KCTD18: variants seen among roughly 807,000 people sequenced by gnomAD.
KCTD18 encodes the protein potassium channel tetramerization domain containing 18, also known as BTB/POZ domain-containing protein KCTD18.
A neutral mutation model predicts 30.4 loss-of-function variants in KCTD18; 22 were observed. The ratio of observed to expected loss-of-function variants is 0.72; its 90% CI spans 0.52 to 1.03. The LOEUF (loss-of-function observed/expected upper bound fraction) is 1.03. Ranked by LOEUF, KCTD18 falls within the 50% of genes least tolerant of loss-of-function variation. The probability of loss-of-function intolerance (pLI) is 0.00; values close to 1 mark genes in which losing one functional copy is unlikely to be tolerated. For missense variants in KCTD18, 529 were observed against 547.6 expected, an observed-to-expected ratio of 0.97 and a Z score of 0.34; for synonymous variants, 186 against 209.0, an observed-to-expected ratio of 0.89 and a Z score of 0.95.
chr2:200,502,074 G>T (rs971984685), intron 3 of KCTD18, among the ~76,000 whole-genome samples: 1 of 151,848 alleles, frequency 6.6e-6, no homozygotes, highest in Non-Finnish European at 1.5e-5. Flanking sequence ...ACTTATAGGT[G>T]GGAATTGAAC....
chr2:200,497,322 T>C lies in KCTD18; in HGVS notation c.661+431A>G, dbSNP rs148377791. 1.3e-4 allele frequency: 22 copies of C among 164,386 alleles called. No homozygotes were observed. In the East Asian group the frequency reaches 3.9e-3, roughly 29 times the overall value. 10.2% of individuals were successfully genotyped at this position (164,386 alleles called of 1,614,324 possible). On this transcript the variant is annotated intron_variant, in intron 5 of 6. Coordinates refer to ENST00000359878, the MANE Select transcript of KCTD18 (RefSeq NM_152387.4). ...ATTATTATTACCAACTCTCACTCTG[T>C]AGTTTGAGAAAAATGACCAGTTTTC... is the stretch of plus-strand genomic sequence containing the variant.
Position 200,509,781 on chromosome 2 carries a change from G to T in KCTD18, c.-229C>A, listed in dbSNP as rs2030420232. Reference sequence around the variant, plus strand: ...GGGCTCACACTCCTCTTCCGAAGCGGGAAGAGCCGGGAGGAGCTGGGGAGC... The same window carrying T: ...GGGCTCACACTCCTCTTCCGAAGCGTGAAGAGCCGGGAGGAGCTGGGGAGC... On this transcript the variant is annotated 5_prime_UTR_variant, in exon 1 of 7. Transcript: ENST00000359878. 1 of 152,186 alleles carries T rather than the reference G, an allele frequency of 6.6e-6. No individual in the cohort carries two copies. The highest frequency in any genetic ancestry group is 6.5e-5 in the Admixed American group (1 of 15,278). The allele number at this position is 152,186 out of a possible 1,614,324, so 9.4% of individuals were successfully genotyped here. A position where few individuals can be genotyped will look rare whatever the true frequency, so the allele number is the denominator to read the frequency against.
chr2:200,497,684 TTTGAGC>T, intron 5 of KCTD18, 63 bp downstream of exon 5: 2 of 1,018,304 alleles, frequency 2.0e-6, no homozygotes, highest in Non-Finnish European at 3.1e-6. Flanking sequence ...AAATGCAGTA[TTTGAGC>T]TTACTTTGTC....
At chr2:200,500,977 G>A (rs1254030779) in intron 3 of KCTD18, among the ~76,000 whole-genome samples, 13 of 151,486 alleles carry the variant, frequency 8.6e-5, no homozygotes, top group Non-Finnish European at 1.3e-4. Flanking sequence ...CAGAAATAAC[G>A]CCACATATCT....
intron 3 of KCTD18, among the ~76,000 whole-genome samples, chr2:200,500,479 C>T (rs1440954538): frequency 2.0e-5 from 3 of 152,094 alleles, no homozygotes; most frequent in African/African-American, 4.8e-5. Flanking sequence ...CATTCTTCTA[C>T]ACCAACAACA....
intron 4 of KCTD18, 46 bp from the exon 5 acceptor site, chr2:200,497,893 G>T: frequency 8.0e-7 from 1 of 1,249,224 alleles, no homozygotes; most frequent in Non-Finnish European, 1.2e-6. Flanking sequence ...CCTAGGTATG[G>T]ATGTGCATAT....
At position 200,498,957 on chromosome 2, in the gene KCTD18, GT is replaced by G; in HGVS notation, c.499del (p.Thr167LeufsTer38). On this transcript the variant is annotated frameshift_variant, in exon 4 of 7. Coordinates refer to ENST00000359878, the MANE Select transcript of KCTD18 (RefSeq NM_152387.4). LOFTEE classifies it high-confidence loss of function. ...CTTTTCAATAGCGTCTGTTCCATCA[GT>G]TTTTGTGGCATATACACCAATAATT... Reference protein sequence around the residue: ...SRIIGVYATKTDGTDAIEKQL... With the variant: ...SRIIGVYATKXDGTDAIEKQL... The G allele has an allele frequency of 6.2e-7, 1 of 1,614,118 alleles. No individual in the cohort carries two copies. Among genetic ancestry groups the G allele is most frequent in the Non-Finnish European group, 8.5e-7 (1 of 1,179,994 alleles).
rs771536308 is a variant in KCTD18 at position 200,497,695 on chromosome 2, T to G, written c.661+58A>C. 7.1e-6 allele frequency: 8 copies of G among 1,134,456 alleles called. No individual in the cohort carries two copies. In the Admixed American group the frequency reaches 1.4e-4, roughly 20 times the overall value. 70.3% of individuals were successfully genotyped at this position (1,134,456 alleles called of 1,614,324 possible). On this transcript the variant is annotated intron_variant, in intron 5 of 6. Transcript: ENST00000359878. ...AAAGAAATGCAGTATTTGAGCTTACTTTGTCTTTTTTTTTTAAAGTCCACC... is the reference window on the plus strand; with the variant it reads ...AAAGAAATGCAGTATTTGAGCTTACGTTGTCTTTTTTTTTTAAAGTCCACC...
intron 3 of KCTD18, among the ~76,000 whole-genome samples, chr2:200,500,322 A>G (rs11688105): frequency 0.61 from 89,092 of 146,712 alleles, 27,561 homozygotes; most frequent in East Asian, 0.78. Flanking sequence ...ATTCAGTTAC[A>G]AAAAGAGGAA....
At chr2:200,503,442 C>T (rs538376655) in intron 3 of KCTD18, among the ~76,000 whole-genome samples, 8 of 152,296 alleles carry the variant, frequency 5.3e-5, no homozygotes, top group African/African-American at 1.9e-4. Flanking sequence ...TTGTACAGTG[C>T]CATACATGTC....
At chr2:200,491,109 CT>C (rs2087909661) in intron 6 of KCTD18, among the ~76,000 whole-genome samples, 1 of 152,184 alleles carries the variant, frequency 6.6e-6, no homozygotes, top group South Asian at 2.1e-4. Context: ...GAGGTGGAGC[CT>C]GACAGAGGTG....
At position 200,489,013 on chromosome 2, in the gene KCTD18, A is replaced by C. The variant is rs2087865222; in HGVS notation, c.*1087T>G. On this transcript the variant is annotated 3_prime_UTR_variant, in exon 7 of 7. Coordinates refer to ENST00000359878, the MANE Select transcript of KCTD18 (RefSeq NM_152387.4). Reference sequence around the variant, plus strand: ...AAAACGTAATGTTTTGAGTATACTTACTTTACTCTTTCAAAGCAATGAAAG... The same window carrying C: ...AAAACGTAATGTTTTGAGTATACTTCCTTTACTCTTTCAAAGCAATGAAAG... The C allele has an allele frequency of 6.6e-6, 1 of 152,314 alleles. No individual in the cohort carries two copies. Among genetic ancestry groups the C allele is most frequent in the South Asian group, 2.1e-4 (1 of 4,828 alleles). The allele number at this position is 152,314 out of a possible 1,614,324, so 9.4% of individuals were successfully genotyped here. A position where few individuals can be genotyped will look rare whatever the true frequency, so the allele number is the denominator to read the frequency against.
In KCTD18 at chr2:200,489,524, G is replaced by T. The variant is rs1466585817; in HGVS notation, c.*576C>A. Reference sequence around the variant, plus strand: ...AGCCAATCTAGGAAAGAAAATCGTTGAATTAAGTGAGAGTCAAAGTGCTAA... The same window carrying T: ...AGCCAATCTAGGAAAGAAAATCGTTTAATTAAGTGAGAGTCAAAGTGCTAA... On this transcript the variant is annotated 3_prime_UTR_variant, in exon 7 of 7. Coordinates refer to ENST00000359878, the MANE Select transcript of KCTD18 (RefSeq NM_152387.4). 1 of 152,208 alleles carries T rather than the reference G, an allele frequency of 6.6e-6. No homozygotes were observed. The highest frequency in any genetic ancestry group is 2.4e-5 in the African/African-American group (1 of 41,444). The allele number at this position is 152,208 out of a possible 1,614,324, so 9.4% of individuals were successfully genotyped here.
rs1037992624 is a variant in KCTD18, at chr2:200,502,031, G to A, written c.372+2717C>T. Among the ~76,000 whole-genome samples, 190 of 151,488 alleles carry A rather than the reference G, an allele frequency of 1.3e-3. 2 individuals are homozygous for A. The East Asian group carries it at 0.028, about 22-fold the overall frequency. Reference sequence around the variant, plus strand: ...AAATCATCATTCTCAGTAAACTATCGCAAGAACAAAAAACCAAACACCGCA... The same window carrying A: ...AAATCATCATTCTCAGTAAACTATCACAAGAACAAAAAACCAAACACCGCA... On this transcript the variant is annotated intron_variant, in intron 3 of 6. Transcript: ENST00000359878.
intron 3 of KCTD18, among the ~76,000 whole-genome samples, chr2:200,500,504 C>A (rs1408368561): frequency 1.3e-5 from 2 of 151,664 alleles, no homozygotes; most frequent in Non-Finnish European, 2.9e-5. Context: ...AACAGAGAGC[C>A]AAATCATGAG....
At chr2:200,497,991 A>G (rs2088022393) in intron 4 of KCTD18, 144 bp from the exon 5 acceptor site, 3 of 635,022 alleles carry the variant, frequency 4.7e-6, no homozygotes, top group Non-Finnish European at 8.4e-6. Flanking sequence ...GTGATCCTTA[A>G]GTATACATAT....
At chr2:200,504,723 C>G in intron 3 of KCTD18, 25 bp downstream of exon 3, 1 of 1,549,250 alleles carries the variant, frequency 6.5e-7, no homozygotes, top group Non-Finnish European at 8.9e-7. Context: ...TATATATATT[C>G]AAAAACTTAA....
chr2:200,502,968 T>C (rs1021727417), intron 3 of KCTD18, among the ~76,000 whole-genome samples: 3 of 149,618 alleles, frequency 2.0e-5, no homozygotes, highest in African/African-American at 7.4e-5. Flanking sequence ...AGGTAGAGGT[T>C]GCGGTGAACT....
chr2:200,496,315 G>C (rs2087998059), intron 5 of KCTD18: 1 of 152,108 alleles, frequency 6.6e-6, no homozygotes, highest in Admixed American at 6.6e-5. Context: ...TCTCCAACTT[G>C]AGCATAAGTG....
Sources: gnomAD v4.1 joint callset for allele counts (sites outside exome capture counted in the v4.1 genomes callset) on GRCh38, gnomAD v4.1.1 for gene constraint, MANE v1.5 for transcripts, NCBI Gene and HGNC (gene_info 2026-07-23, HGNC 2026-07-21) for gene names.